MLXIP: variants seen among roughly 807,000 people sequenced by gnomAD.
MLXIP encodes MLX interacting protein, also known as MLX-interacting protein.
MLXIP carries 30 observed loss-of-function variants against 87.2 expected under a neutral mutation model. The ratio of observed to expected loss-of-function variants is 0.34; its 90% CI spans 0.26 to 0.47. The LOEUF is 0.47. Among genes scored for constraint, MLXIP ranks in the 20% least tolerant of loss-of-function variants. The pLI is 1.00. For synonymous variants in MLXIP, 530 were observed against 514.0 expected, an observed-to-expected ratio of 1.03 and a Z score of -0.42; for missense variants, 1,002 against 1,240.1, an observed-to-expected ratio of 0.81 and a Z score of 2.88.
intron 1 of MLXIP, among the ~76,000 whole-genome samples, chr12:122,094,544 TGTGTGGGTGTGTTTGCA>T: frequency 1.5e-5 from 2 of 136,364 alleles, no homozygotes; most frequent in African/African-American, 5.6e-5. Context: ...GGTGTGTTGG[TGTGTGGGTGTGTTTGCA>T]GTGTGTGTTG....
At chr12:122,138,667 G>A (rs1020514908) in intron 14 of MLXIP, 116 bp downstream of exon 14, 230 of 1,496,250 alleles carry the variant, frequency 1.5e-4, no homozygotes, top group Non-Finnish European at 2.0e-4. Context: ...TGCTGCAGTA[G>A]TTCTGCTCTT....
chr12:122,087,584 C>T (rs1370617124), intron 1 of MLXIP, among the ~76,000 whole-genome samples: 1 of 152,140 alleles, frequency 6.6e-6, no homozygotes, highest in African/African-American at 2.4e-5. Context: ...AGAAAGAAGG[C>T]TAGCTTGGTC....
rs928797306 is a variant in MLXIP at position 122,141,029 on chromosome 12, C to T, written c.2584C>T (p.Arg862Trp). 1.1e-5 allele frequency: 17 copies of T among 1,613,702 alleles called. No homozygotes were observed. The highest frequency in any genetic ancestry group is 4.5e-5 in the East Asian group (2 of 44,898). Residue 862 changes from arginine to tryptophan, a missense_variant, in exon 16 of 17, where the codon CGG (arginine) becomes TGG (tryptophan). Physicochemically the swap from Arg to Trp is moderately radical, Grantham distance 101. Around this residue, in one of 3 missense-constraint regions of MLXIP, gnomAD observed 746 missense variants for 897.0 expected, o/e 0.83. Transcript: ENST00000319080. ...VSTSSLEELH[R>W]TALSWLDQHC... The stretch of plus-strand genomic sequence containing the variant: ...CACCAGCAGCCTGGAGGAGCTGCAC[C>T]GGACGGCGCTCTCCTGGCTGGACCA...
intron 8 of MLXIP, chr12:122,132,645 C>T (rs1953001255): frequency 2.2e-6 from 1 of 445,990 alleles, no homozygotes; most frequent in Non-Finnish European, 4.0e-6. Flanking sequence ...GCTAGCTCTG[C>T]TCCGACTAAT....
At chr12:122,141,548 CT>C (rs1190510748) in intron 16 of MLXIP, 142 bp from the exon 17 acceptor site, 2 of 1,348,328 alleles carry the variant, frequency 1.5e-6, no homozygotes. Flanking sequence ...GTGTCGGCCC[CT>C]GGCACTCCTC....
intron 1 of MLXIP, among the ~76,000 whole-genome samples, chr12:122,122,001 T>C (rs913802624): frequency 2.0e-5 from 3 of 152,160 alleles, no homozygotes; most frequent in African/African-American, 7.2e-5. Context: ...GGCGATGGCC[T>C]TCCCACAGAG....
In MLXIP at chr12:122,137,313, G is replaced by T; in HGVS notation, c.2033-156G>T. 1.4e-6 allele frequency: 1 copy of T among 707,158 alleles called. No individual in the cohort carries two copies. The highest frequency in any genetic ancestry group is 1.8e-5 in the African/African-American group (1 of 54,714). The allele number at this position is 707,158 out of a possible 1,614,324, so 43.8% of individuals were successfully genotyped here. ...TTTAAGATTTTCAGGGAGTGAATAAGAATAATCTAAGGAAGCATGTGTGTG... is the reference window on the plus strand; with the variant it reads ...TTTAAGATTTTCAGGGAGTGAATAATAATAATCTAAGGAAGCATGTGTGTG... On this transcript the variant is annotated intron_variant, in intron 11 of 16. Transcript: ENST00000319080. The surrounding 1 kb of genome is among the most constrained non-coding windows in gnomAD (Gnocchi z 4.1).
At chr12:122,127,408 G>A (rs1329463982) in intron 2 of MLXIP, 46 bp downstream of exon 2, 8 of 1,363,990 alleles carry the variant, frequency 5.9e-6, no homozygotes, top group Admixed American at 4.4e-5. Context: ...AGAACTTCAC[G>A]GCCTGGAGGC....
chr12:122,104,242 C>G (rs1952484551), intron 1 of MLXIP, among the ~76,000 whole-genome samples: 1 of 152,146 alleles, frequency 6.6e-6, no homozygotes, highest in Admixed American at 6.5e-5. Flanking sequence ...CACATGTGAC[C>G]ACTGCAATCA....
At chr12:122,128,425 T>C (rs955221262) in intron 3 of MLXIP, 1 of 162,366 alleles carries the variant, frequency 6.2e-6, no homozygotes, top group Admixed American at 6.1e-5. Context: ...AGGGGGAATT[T>C]AGAAGGTAAG....
At chr12:122,129,544 C>CT in intron 4 of MLXIP, 44 bp from the exon 5 acceptor site, 1 of 1,607,786 alleles carries the variant, frequency 6.2e-7, no homozygotes, top group Non-Finnish European at 8.5e-7. Context: ...TTGGGCCCTC[C>CT]TAGGGCCATT....
At chr12:122,134,056 G>A (rs1251475961) in intron 9 of MLXIP, 69 bp downstream of exon 9, 2 of 1,483,808 alleles carry the variant, frequency 1.3e-6, no homozygotes, top group Non-Finnish European at 1.8e-6. Context: ...CATCCCAAAG[G>A]CTTTCAAACT....
At position 122,135,573 on chromosome 12, in the gene MLXIP, C is replaced by A. The variant is rs528358670; in HGVS notation, c.1939C>A (p.Arg647=). 2 of 1,598,226 alleles carry A rather than the reference C, an allele frequency of 1.3e-6. No homozygotes were observed. The highest frequency in any genetic ancestry group is 1.3e-5 in the African/African-American group (1 of 74,748). ...GAGCAGCCCGCCTGCCCCCGTCTCCCGGCTCTTCCCAAGCACAGCGCAAGA... is the reference window on the plus strand; with the variant it reads ...GAGCAGCCCGCCTGCCCCCGTCTCCAGGCTCTTCCCAAGCACAGCGCAAGA... ...GTSSPPAPVS[R]LFPSTAQDPL... Residue 647 remains arginine (R), a synonymous_variant, in exon 11 of 17, where the codon CGG becomes AGG. Transcript: ENST00000319080. The surrounding 1 kb of genome is among the most constrained non-coding windows in gnomAD (Gnocchi z 5.3).
intron 1 of MLXIP, among the ~76,000 whole-genome samples, chr12:122,098,078 C>T (rs915563406): frequency 2.6e-5 from 4 of 152,198 alleles, no homozygotes; most frequent in Admixed American, 6.6e-5. Flanking sequence ...GAGCCAGCTG[C>T]GCTGCGCCTG....
intron 1 of MLXIP, among the ~76,000 whole-genome samples, chr12:122,124,084 T>C (rs1343414451): frequency 1.3e-5 from 2 of 152,096 alleles, no homozygotes; most frequent in African/African-American, 4.8e-5. Context: ...TTCAGGACGC[T>C]GAGCACAGAG....
At chr12:122,097,713 G>C (rs754768899) in intron 1 of MLXIP, among the ~76,000 whole-genome samples, 2 of 152,000 alleles carry the variant, frequency 1.3e-5, no homozygotes, top group Non-Finnish European at 2.9e-5. Flanking sequence ...CTGTGTTCTT[G>C]CTGAGAGTTC....
chr12:122,094,416 TG>T (rs1952311613), intron 1 of MLXIP, among the ~76,000 whole-genome samples: 2 of 143,558 alleles, frequency 1.4e-5, no homozygotes, highest in African/African-American at 2.6e-5. Flanking sequence ...GTGTGGTGTG[TG>T]TGGGGTGTGG....
chr12:122,109,591 C>T (rs550581658), intron 1 of MLXIP, among the ~76,000 whole-genome samples: 1 of 152,368 alleles, frequency 6.6e-6, no homozygotes, highest in East Asian at 1.9e-4. Context: ...TGTTTGACCT[C>T]AGATGGGTTG....
intron 1 of MLXIP, among the ~76,000 whole-genome samples, chr12:122,083,668 C>G (rs1165153010): frequency 1.3e-5 from 2 of 152,186 alleles, no homozygotes; most frequent in Non-Finnish European, 2.9e-5. Flanking sequence ...CCTGCCTCAG[C>G]CTCCCAAAAT....
Sources: gnomAD v4.1 joint callset for allele counts (sites outside exome capture counted in the v4.1 genomes callset) on GRCh38, gnomAD v4.1.1 for gene constraint, gnomAD v4.1.1 regional missense constraint, Gnocchi (gnomAD v3.1) non-coding constraint, MANE v1.5 for transcripts, NCBI Gene and HGNC (gene_info 2026-07-23, HGNC 2026-07-21) for gene names.